Variants in ELAVL2 observed in about 807,000 individuals in gnomAD.
ELAVL2 encodes the protein ELAV like RNA binding protein 2.
A neutral mutation model predicts 34.6 loss-of-function variants in ELAVL2; 4 were observed. The ratio of observed to expected loss-of-function variants is 0.12; its 90% CI spans 0.06 to 0.26. The LOEUF (loss-of-function observed/expected upper bound fraction) is 0.26, where lower values mean the gene tolerates loss of function less well. ELAVL2 is among the 10% of genes least tolerant of loss of function. ELAVL2 has a pLI of 1.00. For synonymous variants in ELAVL2, 193 were observed against 154.8 expected (o/e 1.25, Z -1.83); for missense variants, 432 against 442.8 (o/e 0.98, Z 0.22).
intron 1 of ELAVL2, among the ~76,000 whole-genome samples, chr9:23,786,781 C>CAAAAAAAAAAAAAAAAAAAAAA (rs57292061): frequency 6.5e-5 from 7 of 108,124 alleles, no homozygotes; most frequent in East Asian, 2.9e-4. Context: ...ATTTTAGTGG[C>CAAAAAAAAAAAAAAAAAAAAAA]AAAAAAAAAA....
intron 1 of ELAVL2, among the ~76,000 whole-genome samples, chr9:23,824,337 G>C (rs2065146794): frequency 6.6e-6 from 1 of 152,130 alleles, no homozygotes; most frequent in South Asian, 2.1e-4. Context: ...ATGGCCACGC[G>C]AGGTCTCGTC....
intron 2 of ELAVL2, among the ~76,000 whole-genome samples, chr9:23,753,838 G>T (rs1371678926): frequency 6.6e-6 from 1 of 151,974 alleles, no homozygotes; most frequent in African/African-American, 2.4e-5. Context: ...ATTATAAAGG[G>T]GCAAATGTTA....
chr9:23,836,247 G>A, the ELAVL2 span, among the ~76,000 whole-genome samples: 1 of 152,120 alleles, frequency 6.6e-6, no homozygotes, highest in Non-Finnish European at 1.5e-5. Flanking sequence ...GTCAGTTTTT[G>A]TAAACATGAG....
At chr9:23,717,765 C>A (rs977529920) in intron 3 of ELAVL2, among the ~76,000 whole-genome samples, 1 of 152,148 alleles carries the variant, frequency 6.6e-6, no homozygotes, top group Admixed American at 6.5e-5. Flanking sequence ...CCTTACTACA[C>A]AATGACATCA....
At chr9:23,825,371 G>A (rs1452245631) in intron 1 of ELAVL2, among the ~76,000 whole-genome samples, 1 of 152,142 alleles carries the variant, frequency 6.6e-6, no homozygotes, top group African/African-American at 2.4e-5. Flanking sequence ...GGTTTTCGCT[G>A]GTCTAATCTG....
At chr9:23,776,170 C>G (rs1024603892) in intron 1 of ELAVL2, among the ~76,000 whole-genome samples, 1 of 152,078 alleles carries the variant, frequency 6.6e-6, no homozygotes, top group Non-Finnish European at 1.5e-5. Flanking sequence ...GGTAGACTGT[C>G]AAGGGGAAAA....
chr9:23,759,393 G>C (rs1466222303), intron 2 of ELAVL2, among the ~76,000 whole-genome samples: 1 of 151,890 alleles, frequency 6.6e-6, no homozygotes, highest in African/African-American at 2.4e-5. Flanking sequence ...GTGGGTACCA[G>C]AGGGTGGAGA....
the ELAVL2 span, among the ~76,000 whole-genome samples, chr9:23,838,289 T>G: frequency 3.3e-5 from 5 of 152,068 alleles, no homozygotes; most frequent in African/African-American, 1.2e-4. Flanking sequence ...AAACAGGTAG[T>G]TTATTGTTTC....
chr9:23,784,906 T>G (rs1397802720), intron 1 of ELAVL2, among the ~76,000 whole-genome samples: 1 of 152,172 alleles, frequency 6.6e-6, no homozygotes, highest in Admixed American at 6.5e-5. Flanking sequence ...CACTAGACAT[T>G]GTGGGAAAAA....
intron 1 of ELAVL2, chr9:23,779,368 A>T: frequency 1.0e-6 from 1 of 985,446 alleles, no homozygotes; most frequent in Non-Finnish European, 1.2e-6. Flanking sequence ...AAGGCAAGGG[A>T]AGAAAGCAAC....
chr9:23,807,188 G>A (rs2062349079), intron 1 of ELAVL2, among the ~76,000 whole-genome samples: 1 of 152,158 alleles, frequency 6.6e-6, no homozygotes, highest in Non-Finnish European at 1.5e-5. Flanking sequence ...GCCTAGTCAA[G>A]TAAGCTTAAT....
chr9:23,814,642 G>C (rs1020962209), intron 1 of ELAVL2, among the ~76,000 whole-genome samples: 1 of 152,096 alleles, frequency 6.6e-6, no homozygotes, highest in East Asian at 1.9e-4. Context: ...AAGTGGTGTT[G>C]AATAAACTCA....
At chr9:23,833,103 T>A in the ELAVL2 span, among the ~76,000 whole-genome samples, 1 of 151,972 alleles carries the variant, frequency 6.6e-6, no homozygotes, top group Non-Finnish European at 1.5e-5. Context: ...GATGAATTAG[T>A]GCTTTGTGTA....
At chr9:23,719,268 G>A (rs1268380685) in intron 3 of ELAVL2, among the ~76,000 whole-genome samples, 1 of 152,090 alleles carries the variant, frequency 6.6e-6, no homozygotes, top group Non-Finnish European at 1.5e-5. Flanking sequence ...AACACTCACT[G>A]GCTGTAATTA....
chr9:23,740,229 GC>G, intron 2 of ELAVL2, among the ~76,000 whole-genome samples: 1 of 152,108 alleles, frequency 6.6e-6, no homozygotes, highest in East Asian at 1.9e-4. Flanking sequence ...CAGTACCACT[GC>G]CAAACTAAAC....
At chr9:23,788,416 A>G (rs2059949352) in intron 1 of ELAVL2, among the ~76,000 whole-genome samples, 1 of 152,168 alleles carries the variant, frequency 6.6e-6, no homozygotes, top group Non-Finnish European at 1.5e-5. Flanking sequence ...CAGGCACTCA[A>G]AAGCCCCAAT....
the ELAVL2 span, among the ~76,000 whole-genome samples, chr9:23,834,684 C>A: frequency 2.6e-5 from 4 of 152,000 alleles, no homozygotes; most frequent in African/African-American, 9.7e-5. Context: ...TCATTAATGT[C>A]CCAACTGACA....
rs559336887 is a variant in ELAVL2, at chr9:23,807,274, T to C, written c.-16+18532A>G. On this transcript the variant is annotated intron_variant, in intron 1 of 6. Transcript: ENST00000397312. Reference sequence around the variant, plus strand: ...CCATGCATTCACTGTACTGTTTAGGTCTGGTGATCTGTGTGAATGAGGAAA... The same window carrying C: ...CCATGCATTCACTGTACTGTTTAGGCCTGGTGATCTGTGTGAATGAGGAAA... 2.0e-5 allele frequency among the ~76,000 whole-genome samples: 3 copies of C among 152,250 alleles called. No individual in the cohort carries two copies. In the South Asian group the frequency reaches 6.2e-4, roughly 32 times the overall value.
At chr9:23,823,705 A>T (rs148208350) in intron 1 of ELAVL2, among the ~76,000 whole-genome samples, 414 of 152,340 alleles carry the variant, frequency 2.7e-3, no homozygotes, top group African/African-American at 9.7e-3. Context: ...CCATTTTACA[A>T]GGAAGTCTTA....
Sources: gnomAD v4.1 joint callset for allele counts (sites outside exome capture counted in the v4.1 genomes callset) on GRCh38, gnomAD v4.1.1 for gene constraint, MANE v1.5 for transcripts, NCBI Gene and HGNC (gene_info 2026-07-23, HGNC 2026-07-21) for gene names.